The following VPS50 variants were observed in gnomAD, a reference collection of about 807,000 sequenced individuals.
VPS50 encodes the protein syndetin.
A neutral mutation model predicts 139.7 loss-of-function variants in VPS50; 70 were observed. The observed-to-expected ratio is 0.50, with a 90% CI of 0.41 to 0.61. VPS50 has a LOEUF of 0.61. VPS50 is among the 20% of genes least tolerant of loss of function. The pLI, the probability that VPS50 is intolerant of heterozygous loss-of-function variation, is 0.00. For missense variants in VPS50, 921 were observed against 1,133.7 expected (o/e 0.81, Z 2.69); for synonymous variants, 365 against 376.7 (o/e 0.97, Z 0.36).
intron 26 of VPS50, among the ~76,000 whole-genome samples, chr7:93,354,280 TTTTTC>T (rs945311831): frequency 2.1e-5 from 3 of 145,254 alleles, no homozygotes; most frequent in Non-Finnish European, 3.0e-5. Flanking sequence ...CTGATTTCTT[TTTTTC>T]TTTTCTTTTC....
Position 93,360,129 on chromosome 7 carries a change from TTGCA to T in VPS50, c.*1694_*1697del, listed in dbSNP as rs1322214149. ...AAAGAGCTAATCAATCTTTTAAAAT[TTGCA>T]GTTGATGAAGAGCTGCTTATTTTTC... On this transcript the variant is annotated 3_prime_UTR_variant, in exon 28 of 28. Transcript: ENST00000305866. 1 of 152,142 alleles carries T rather than the reference TTGCA, an allele frequency of 6.6e-6. No homozygotes were observed. The highest frequency in any genetic ancestry group is 1.9e-4 in the East Asian group (1 of 5,186). The allele number at this position is 152,142 out of a possible 1,614,324, so 9.4% of individuals were successfully genotyped here. A position where few individuals can be genotyped will look rare whatever the true frequency, so the allele number is the denominator to read the frequency against.
At chr7:93,294,437 C>T (rs977317262) in intron 13 of VPS50, 108 bp from the exon 14 acceptor site, 7 of 913,626 alleles carry the variant, frequency 7.7e-6, no homozygotes, top group Non-Finnish European at 9.4e-6. Flanking sequence ...AACATATTTA[C>T]TGTATCTTAC....
intron 2 of VPS50, among the ~76,000 whole-genome samples, chr7:93,240,213 G>A (rs575272580): frequency 7.5e-6 from 1 of 133,074 alleles, no homozygotes; most frequent in East Asian, 2.7e-4. Context: ...GTATATATGT[G>A]TATGCACACA....
chr7:93,330,772 A>AAAC (rs1554376653), intron 21 of VPS50, among the ~76,000 whole-genome samples: 2 of 151,254 alleles, frequency 1.3e-5, no homozygotes, highest in East Asian at 1.9e-4. Flanking sequence ...AAAAAAAAAA[A>AAAC]AAAAAAAAAA....
intron 12 of VPS50, among the ~76,000 whole-genome samples, chr7:93,277,427 TC>T (rs1796191168): frequency 6.6e-6 from 1 of 152,162 alleles, no homozygotes; most frequent in African/African-American, 2.4e-5. Flanking sequence ...TTATAACACT[TC>T]TAGTAAGTAG....
At chr7:93,316,508 T>C (rs1033942391) in intron 20 of VPS50, among the ~76,000 whole-genome samples, 1 of 152,164 alleles carries the variant, frequency 6.6e-6, no homozygotes, top group African/African-American at 2.4e-5. Flanking sequence ...GCAGTGGCCA[T>C]TGTAATATAG....
At chr7:93,346,622 C>A (rs1470295243) in intron 23 of VPS50, among the ~76,000 whole-genome samples, 1 of 151,930 alleles carries the variant, frequency 6.6e-6, no homozygotes, top group Non-Finnish European at 1.5e-5. Context: ...GGTACCAAAA[C>A]AGAGATATAG....
At chr7:93,331,368 C>A (rs548264030) in intron 21 of VPS50, among the ~76,000 whole-genome samples, 43 of 151,782 alleles carry the variant, frequency 2.8e-4, no homozygotes, top group Non-Finnish European at 4.7e-4. Context: ...AAGACTTACT[C>A]CAGAGCTACA....
At chr7:93,301,561 T>G (rs1014314431) in intron 16 of VPS50, among the ~76,000 whole-genome samples, 22 of 152,182 alleles carry the variant, frequency 1.4e-4, no homozygotes, top group Admixed American at 1.3e-3. Flanking sequence ...AGTTTTAAAT[T>G]ACTGTGTAAT....
intron 2 of VPS50, among the ~76,000 whole-genome samples, chr7:93,244,158 G>T (rs768609705): frequency 2.0e-5 from 3 of 151,764 alleles, no homozygotes; most frequent in South Asian, 2.1e-4. Flanking sequence ...ATTGTTTAAG[G>T]ATAAGAAATA....
chr7:93,242,083 TA>T (rs570877749), intron 2 of VPS50, among the ~76,000 whole-genome samples: 10 of 149,772 alleles, frequency 6.7e-5, no homozygotes, highest in South Asian at 2.1e-4. Context: ...AAAGGTATCT[TA>T]AAAAAAAAAT....
At chr7:93,262,448 G>C (rs1487648813) in intron 9 of VPS50, among the ~76,000 whole-genome samples, 1 of 152,160 alleles carries the variant, frequency 6.6e-6, no homozygotes, top group Non-Finnish European at 1.5e-5. Context: ...GGTTGAAATG[G>C]AAAAGATTTA....
At chr7:93,245,470 AAAAC>A (rs1479893324) in intron 2 of VPS50, among the ~76,000 whole-genome samples, 2 of 151,526 alleles carry the variant, frequency 1.3e-5, no homozygotes, top group African/African-American at 2.4e-5. Flanking sequence ...AAACAAAAGA[AAAAC>A]AAAATTAAGA....
chr7:93,335,835 G>A (rs909084950), intron 22 of VPS50, among the ~76,000 whole-genome samples: 3 of 152,132 alleles, frequency 2.0e-5, no homozygotes, highest in African/African-American at 7.2e-5. Context: ...ATCCCTGCTA[G>A]CTACTATCTT....
intron 25 of VPS50, among the ~76,000 whole-genome samples, chr7:93,352,101 C>A (rs1388065879): frequency 6.6e-6 from 1 of 152,102 alleles, no homozygotes; most frequent in Non-Finnish European, 1.5e-5. Context: ...TTATAACAAG[C>A]ATTTTTGAGC....
chr7:93,308,780 G>C (rs764041716), intron 18 of VPS50, 44 bp from the exon 19 acceptor site: 1 of 1,018,180 alleles, frequency 9.8e-7, no homozygotes, highest in Non-Finnish European at 1.5e-6. Context: ...CCCACGAAAA[G>C]AGGCCCTTTA....
intron 21 of VPS50, among the ~76,000 whole-genome samples, chr7:93,327,607 T>A (rs1270291287): frequency 1.3e-5 from 2 of 152,220 alleles, no homozygotes; most frequent in African/African-American, 4.8e-5. Flanking sequence ...TCTGTAAGAC[T>A]CAGTAAGAGC....
Position 93,360,763 on chromosome 7 carries a change from A to G in VPS50, c.*2327A>G, listed in dbSNP as rs1798812593. 1 of 152,040 alleles carries G rather than the reference A, an allele frequency of 6.6e-6. No individual in the cohort carries two copies. The allele number at this position is 152,040 out of a possible 1,614,324, so 9.4% of individuals were successfully genotyped here. Reference sequence around the variant, plus strand: ...GCATGGTAAATTAGCATTCCCTGAGAAAGAATGATCATTTCTACAAATACA... The same window carrying G: ...GCATGGTAAATTAGCATTCCCTGAGGAAGAATGATCATTTCTACAAATACA... On this transcript the variant is annotated 3_prime_UTR_variant, in exon 28 of 28. Coordinates refer to ENST00000305866, the MANE Select transcript of VPS50 (RefSeq NM_017667.4).
chr7:93,311,212 C>A lies in VPS50; in HGVS notation c.1795C>A (p.Leu599Ile). The change falls in exon 20 of 28, where the codon CTA (leucine) becomes ATA (isoleucine). Residue 599 changes from leucine (L) to isoleucine (I), a missense_variant. Transcript: ENST00000305866. ...AAGCAGGAAGAAATCAGATTACAGT[C>A]TAAATAAAGTGAATGCACCTATCTT... ...LKSRKKSDYS[L>I]NKVNAPILTN... 2 of 1,438,766 alleles carry A rather than the reference C, an allele frequency of 1.4e-6. No homozygotes were observed. Among genetic ancestry groups the A allele is most frequent in the Non-Finnish European group, 2.0e-6 (2 of 1,020,544 alleles). The allele number at this position is 1,438,766 out of a possible 1,614,324, so 89.1% of individuals were successfully genotyped here. A position where few individuals can be genotyped will look rare whatever the true frequency, so the allele number is the denominator to read the frequency against.
Sources: gnomAD v4.1 joint callset for allele counts (sites outside exome capture counted in the v4.1 genomes callset) on GRCh38, gnomAD v4.1.1 for gene constraint, MANE v1.5 for transcripts, NCBI Gene and HGNC (gene_info 2026-07-23, HGNC 2026-07-21) for gene names.